The following TAFA1 variants were observed in gnomAD, a reference collection of about 807,000 sequenced individuals.
TAFA1 encodes TAFA chemokine like family member 1, also known as chemokine-like protein TAFA-1.
Under a neutral mutation model 18.5 loss-of-function variants are expected in TAFA1, and 4 were observed. That is an observed-to-expected ratio of 0.22 (90% confidence interval 0.11 to 0.49). The LOEUF (loss-of-function observed/expected upper bound fraction) is 0.49. Ranked by LOEUF, TAFA1 falls within the 20% of genes least tolerant of loss-of-function variation. The pLI, the probability that TAFA1 is intolerant of heterozygous loss-of-function variation, is 0.98. For synonymous variants in TAFA1, 56 were observed against 55.2 expected (o/e 1.01, Z -0.06); for missense variants, 147 against 169.0 (o/e 0.87, Z 0.72).
chr3:68,531,218 T>C (rs957219059), intron 3 of TAFA1, among the ~76,000 whole-genome samples: 1 of 152,138 alleles, frequency 6.6e-6, no homozygotes, highest in Admixed American at 6.5e-5. Context: ...CAGCAGCGTA[T>C]CCATGTGGGT....
intron 2 of TAFA1, among the ~76,000 whole-genome samples, chr3:68,147,228 C>T (rs1051022028): frequency 6.6e-6 from 1 of 151,900 alleles, no homozygotes; most frequent in African/African-American, 2.4e-5. Context: ...GGCCCATATA[C>T]CCAGAAGGCA....
Position 68,067,671 on chromosome 3 carries a change from A to T in TAFA1, c.118+60927A>T, listed in dbSNP as rs117147000. Among the ~76,000 whole-genome samples, 677 of 152,316 alleles carry T rather than the reference A, an allele frequency of 4.4e-3. 18 individuals carry two copies. The East Asian group carries it at 0.061, about 14-fold the overall frequency. On this transcript the variant is annotated intron_variant, in intron 2 of 4. Transcript: ENST00000478136. The stretch of plus-strand genomic sequence containing the variant: ...CCATTTTAACTGTAAATTGCTAAGC[A>T]TTATGACCATCCGGTAGCCAACTTT...
intron 2 of TAFA1, among the ~76,000 whole-genome samples, chr3:68,073,266 G>A (rs2064779982): frequency 1.3e-5 from 2 of 152,130 alleles, no homozygotes; most frequent in Admixed American, 1.3e-4. Context: ...TAGAGTTAGA[G>A]GCAACCTGAT....
chr3:68,053,677 C>T (rs1056657228), intron 2 of TAFA1, among the ~76,000 whole-genome samples: 19 of 151,976 alleles, frequency 1.3e-4, no homozygotes, highest in Non-Finnish European at 8.8e-5. Context: ...AATGAGAAAT[C>T]GGTTCCTTGG....
intron 2 of TAFA1, among the ~76,000 whole-genome samples, chr3:68,367,444 T>C (rs1007501277): frequency 1.3e-5 from 2 of 152,194 alleles, no homozygotes; most frequent in Non-Finnish European, 2.9e-5. Flanking sequence ...TCAAGTTGTT[T>C]AGTAACAACT....
chr3:68,536,208 G>C (rs62246068), intron 3 of TAFA1, among the ~76,000 whole-genome samples: 34,887 of 152,126 alleles, frequency 0.23, 4,375 homozygotes, highest in Admixed American at 0.28. Flanking sequence ...AAGCATAGAA[G>C]GAAAGCCTAA....
At chr3:68,065,740 G>GTATATATATATATA (rs60396289) in intron 2 of TAFA1, among the ~76,000 whole-genome samples, 1 of 133,420 alleles carries the variant, frequency 7.5e-6, no homozygotes, top group African/African-American at 3.0e-5. Context: ...GTGTGTGTGT[G>GTATATATATATATA]TATATATATA....
chr3:68,284,816 C>T (rs899657114), intron 2 of TAFA1, among the ~76,000 whole-genome samples: 3 of 152,038 alleles, frequency 2.0e-5, no homozygotes, highest in Non-Finnish European at 2.9e-5. Context: ...TATGCTACTG[C>T]AATCCTAGCT....
chr3:68,174,263 AT>A (rs1272619598), intron 2 of TAFA1, among the ~76,000 whole-genome samples: 2 of 152,160 alleles, frequency 1.3e-5, no homozygotes, highest in Non-Finnish European at 2.9e-5. Context: ...GTAAATTGAT[AT>A]GGTTTTGCTG....
chr3:68,000,980 A>G (rs987500391), upstream of TAFA1, among the ~76,000 whole-genome samples: 7 of 152,226 alleles, frequency 4.6e-5, no homozygotes, highest in Non-Finnish European at 7.3e-5. Context: ...TATGGATTTG[A>G]AAGTTTTGTA....
intron 2 of TAFA1, among the ~76,000 whole-genome samples, chr3:68,194,706 G>T (rs951799718): frequency 1.3e-5 from 2 of 151,760 alleles, no homozygotes; most frequent in East Asian, 2.0e-4. Flanking sequence ...TGTTATGGCA[G>T]CCATAGCAAA....
intron 2 of TAFA1, among the ~76,000 whole-genome samples, chr3:68,128,324 G>T (rs1338409367): frequency 1.3e-5 from 2 of 152,178 alleles, no homozygotes; most frequent in Non-Finnish European, 2.9e-5. Flanking sequence ...GCTGCTAAGG[G>T]ACTTTAGAGT....
At chr3:68,156,881 G>A (rs1291020735) in intron 2 of TAFA1, among the ~76,000 whole-genome samples, 1 of 152,050 alleles carries the variant, frequency 6.6e-6, no homozygotes, top group African/African-American at 2.4e-5. Flanking sequence ...GCACAAAGAG[G>A]TTATGTTACT....
chr3:68,292,355 C>T (rs183272126), intron 2 of TAFA1, among the ~76,000 whole-genome samples: 71 of 147,024 alleles, frequency 4.8e-4, no homozygotes, highest in African/African-American at 5.3e-4. Context: ...TCGAGGCTGC[C>T]GAGAGCTGTG....
chr3:68,413,462 C>T (rs189131073), intron 2 of TAFA1, among the ~76,000 whole-genome samples: 4 of 152,246 alleles, frequency 2.6e-5, no homozygotes, highest in Non-Finnish European at 4.4e-5. Context: ...AATATTATTA[C>T]TATTACCATT....
intron 2 of TAFA1, among the ~76,000 whole-genome samples, chr3:68,226,115 GTGT>G (rs1459095476): frequency 6.6e-6 from 1 of 152,204 alleles, no homozygotes; most frequent in Non-Finnish European, 1.5e-5. Flanking sequence ...TGATGGAAAA[GTGT>G]TGTGATTTTC....
chr3:68,220,037 T>G (rs2066710663), intron 2 of TAFA1, among the ~76,000 whole-genome samples: 1 of 152,202 alleles, frequency 6.6e-6, no homozygotes, highest in African/African-American at 2.4e-5. Context: ...TTTAATATGA[T>G]AAATTGGTTT....
chr3:68,056,789 G>C (rs2064542141), intron 2 of TAFA1, among the ~76,000 whole-genome samples: 1 of 152,128 alleles, frequency 6.6e-6, no homozygotes, highest in Non-Finnish European at 1.5e-5. Flanking sequence ...GAATAGTATG[G>C]TTTGATTGTA....
intron 2 of TAFA1, among the ~76,000 whole-genome samples, chr3:68,295,898 T>C (rs2068199130): frequency 6.6e-6 from 1 of 152,136 alleles, no homozygotes. Context: ...GCATGAGCCT[T>C]CTGAGTAGCT....
Sources: gnomAD v4.1 joint callset for allele counts (sites outside exome capture counted in the v4.1 genomes callset) on GRCh38, gnomAD v4.1.1 for gene constraint, MANE v1.5 for transcripts, NCBI Gene and HGNC (gene_info 2026-07-23, HGNC 2026-07-21) for gene names.